Variants in C1orf94 observed in about 807,000 individuals in gnomAD.
The protein encoded by C1orf94 is chromosome 1 open reading frame 94, also known as uncharacterized protein C1orf94.
A neutral mutation model predicts 53.6 loss-of-function variants in C1orf94; 45 were observed. The observed-to-expected ratio is 0.84, with a 90% CI of 0.66 to 1.08. The LOEUF (loss-of-function observed/expected upper bound fraction) is 1.08, where lower values mean the gene tolerates loss of function less well. C1orf94 is among the 50% of genes least tolerant of loss of function. The pLI is 0.00. For synonymous variants in C1orf94, 304 were observed against 296.1 expected, an observed-to-expected ratio of 1.03 and a Z score of -0.27; for missense variants, 762 against 738.9, an observed-to-expected ratio of 1.03 and a Z score of -0.36.
At position 34,208,191 on chromosome 1, in the gene C1orf94, A is replaced by G. The variant is rs761661462; in HGVS notation, c.1481A>G (p.Tyr494Cys). The change falls in exon 5 of 7, where the codon TAT becomes TGT. Residue 494 changes from tyrosine to cysteine, a missense_variant. By Grantham distance (194) the Tyr-to-Cys change is radical (BLOSUM62 -2). Transcript: ENST00000488417. ...CCACAGCAGGCAGCGAGGATGCCCTATCAGCAGGCTTTGCACCCGCAGCTG... is the reference window on the plus strand; with the variant it reads ...CCACAGCAGGCAGCGAGGATGCCCTGTCAGCAGGCTTTGCACCCGCAGCTG... ...LYPQQAARMP[Y>C]QQALHPQLGC... is the part of the protein sequence containing the mutation. 1.9e-5 allele frequency: 31 copies of G among 1,614,054 alleles called. No individual in the cohort carries two copies. In the South Asian group the frequency reaches 2.1e-4, roughly 11 times the overall value.
intron 2 of C1orf94, among the ~76,000 whole-genome samples, chr1:34,199,667 G>A (rs980144560): frequency 1.3e-5 from 2 of 152,236 alleles, no homozygotes; most frequent in African/African-American, 4.8e-5. Context: ...GGGTGGCCAG[G>A]TTTCCCACCA....
intron 1 of C1orf94, among the ~76,000 whole-genome samples, chr1:34,195,779 GGTGTGTGT>G (rs67390104): frequency 3.4e-5 from 5 of 145,170 alleles, no homozygotes; most frequent in Admixed American, 2.1e-4. Flanking sequence ...TCTGTTCGTG[GGTGTGTGT>G]GTGTGTGTGT....
At chr1:34,190,360 G>A (rs1484692506) in intron 1 of C1orf94, among the ~76,000 whole-genome samples, 3 of 152,076 alleles carry the variant, frequency 2.0e-5, no homozygotes, top group Non-Finnish European at 4.4e-5. Flanking sequence ...TCACCTCCAA[G>A]GCCTGGCAGA....
In C1orf94 at chr1:34,185,865, T is replaced by A. The variant is rs564234260; in HGVS notation, c.320+7756T>A. ...TCTGTAGTGGCCCTGCCTCCATCTC[T>A]AGATGCACGTCTTGCTGGTCTCCTG... On this transcript the variant is annotated intron_variant, in intron 1 of 6. Transcript: ENST00000488417. Among the ~76,000 whole-genome samples, 9 of 152,324 alleles carry A rather than the reference T, an allele frequency of 5.9e-5. No homozygotes were observed. The East Asian group carries it at 1.5e-3, about 26-fold the overall frequency.
intron 5 of C1orf94, 125 bp from the exon 6 acceptor site, chr1:34,212,085 A>G (rs1026874695): frequency 1.3e-5 from 10 of 774,200 alleles, no homozygotes; most frequent in Non-Finnish European, 1.8e-5. Context: ...CCATTCCAAC[A>G]TGTTGCCTTC....
chr1:34,167,264 A>T (rs1642052097), intron 1 of C1orf94: 1 of 152,074 alleles, frequency 6.6e-6, no homozygotes, highest in Admixed American at 6.6e-5. Flanking sequence ...CCTCTCTTGG[A>T]GGCGGGGTTC....
intron 4 of C1orf94, 21 bp downstream of exon 4, chr1:34,202,280 C>A: frequency 6.2e-7 from 1 of 1,610,020 alleles, no homozygotes; most frequent in South Asian, 1.1e-5. Context: ...TGGCCTGGCT[C>A]TCCTGTGGAC....
intron 6 of C1orf94, among the ~76,000 whole-genome samples, chr1:34,217,654 C>T (rs572073225): frequency 1.3e-5 from 2 of 152,170 alleles, no homozygotes; most frequent in Non-Finnish European, 2.9e-5. Context: ...CCAACTTGCC[C>T]ATGGAGACTC....
Position 34,182,661 on chromosome 1 carries a change from A to G in C1orf94, c.320+4552A>G, listed in dbSNP as rs1027015107. Among the ~76,000 whole-genome samples, 7 of 152,306 alleles carry G rather than the reference A, an allele frequency of 4.6e-5. No individual in the cohort carries two copies. The South Asian group carries it at 1.2e-3, about 27-fold the overall frequency. On this transcript the variant is annotated intron_variant, in intron 1 of 6. Transcript: ENST00000488417. ...ACTCATGATTTGGGTACACAAACAG[A>G]CACATTGAGGCTCATGCTCTGCTTC...
intron 1 of C1orf94, among the ~76,000 whole-genome samples, chr1:34,190,298 C>T (rs1557480644): frequency 6.6e-6 from 1 of 152,176 alleles, no homozygotes; most frequent in African/African-American, 2.4e-5. Flanking sequence ...TAGCTCCCTG[C>T]CTAAATCTCT....
At chr1:34,194,387 G>C (rs1571342489) in intron 1 of C1orf94, among the ~76,000 whole-genome samples, 6 of 152,256 alleles carry the variant, frequency 3.9e-5, no homozygotes, top group Admixed American at 3.9e-4. Context: ...TGCTAGCCTG[G>C]CTTCAGGTTG....
upstream of C1orf94, among the ~76,000 whole-genome samples, chr1:34,172,521 A>T (rs1642164273): frequency 6.6e-6 from 1 of 152,230 alleles, no homozygotes; most frequent in Non-Finnish European, 1.5e-5. Flanking sequence ...AGTTAAGTAT[A>T]TACAAAGCCA....
chr1:34,214,174 G>T (rs1482989167), intron 6 of C1orf94, among the ~76,000 whole-genome samples: 1 of 152,210 alleles, frequency 6.6e-6, no homozygotes, highest in South Asian at 2.1e-4. Flanking sequence ...AGCGGGGGAG[G>T]TTCCAGTGAG....
chr1:34,177,937 T>TA lies in C1orf94; in HGVS notation c.149dup (p.Tyr50Ter). ...CTGCGCCCTGGGCCCATTCCCCAGA[T>TA]ACATCTGGATCCACCAGGACACACC... ...GPCALGPFPRYIWIHQDTPQD... is the reference protein window; with the variant it reads ...GPCALGPFPR The change falls in exon 1 of 7, where the codon TAC (tyrosine) becomes TAAC (stop). Residue 50 changes from tyrosine to a stop codon, truncating the protein, a stop_gained and frameshift_variant. Transcript: ENST00000488417. LOFTEE classifies it high-confidence loss of function. The TA allele has an allele frequency of 6.4e-7, 1 of 1,551,680 alleles. No individual in the cohort carries two copies. Among genetic ancestry groups the TA allele is most frequent in the Non-Finnish European group, 8.7e-7 (1 of 1,146,990 alleles).
At chr1:34,192,073 G>A (rs904199525) in intron 1 of C1orf94, among the ~76,000 whole-genome samples, 13 of 152,144 alleles carry the variant, frequency 8.5e-5, no homozygotes, top group Admixed American at 2.6e-4. Flanking sequence ...TGAATGATTC[G>A]CTGTGATAGA....
rs186805911 is a variant in C1orf94 at position 34,197,174 on chromosome 1, C to T, written c.321-51C>T. The T allele has an allele frequency of 2.0e-4, 292 of 1,445,682 alleles. 1 individual carries two copies. In the East Asian group the frequency reaches 3.8e-3, roughly 19 times the overall value. The allele number at this position is 1,445,682 out of a possible 1,614,324, so 89.6% of individuals were successfully genotyped here. A position where few individuals can be genotyped will look rare whatever the true frequency, so the allele number is the denominator to read the frequency against. On this transcript the variant is annotated intron_variant, in intron 1 of 6. Coordinates refer to ENST00000488417, the MANE Select transcript of C1orf94 (RefSeq NM_001134734.2). The surrounding 1 kb of genome is among the most constrained non-coding windows in gnomAD (Gnocchi z 4.1). Reference sequence around the variant, plus strand: ...GGGCCTATGTCCTTCTGCAAAGCCACGCCTTGGTGAGCTGGCACTAACACC... The same window carrying T: ...GGGCCTATGTCCTTCTGCAAAGCCATGCCTTGGTGAGCTGGCACTAACACC...
upstream of C1orf94, among the ~76,000 whole-genome samples, chr1:34,176,583 C>A (rs575761446): frequency 6.6e-6 from 1 of 152,132 alleles, no homozygotes; most frequent in Non-Finnish European, 1.5e-5. Context: ...GGGCCTTGGA[C>A]GCAATCCCTT....
chr1:34,202,394 G>T (rs1054180047), intron 4 of C1orf94, 135 bp downstream of exon 4: 2 of 977,668 alleles, frequency 2.0e-6, no homozygotes, highest in Non-Finnish European at 3.0e-6. Flanking sequence ...AAGAGGCTTC[G>T]CTGGGGCTAT....
intron 6 of C1orf94, among the ~76,000 whole-genome samples, chr1:34,215,102 A>T (rs1424645550): frequency 6.6e-6 from 1 of 152,208 alleles, no homozygotes; most frequent in East Asian, 1.9e-4. Flanking sequence ...ATGCAAGGCC[A>T]GGTCCTCAGG....
Sources: gnomAD v4.1 joint callset for allele counts (sites outside exome capture counted in the v4.1 genomes callset) on GRCh38, gnomAD v4.1.1 for gene constraint, Gnocchi (gnomAD v3.1) non-coding constraint, MANE v1.5 for transcripts, NCBI Gene and HGNC (gene_info 2026-07-23, HGNC 2026-07-21) for gene names.